The following NREP variants were observed in gnomAD, a reference collection of about 807,000 sequenced individuals.
NREP encodes the protein neuronal regeneration related protein.
A neutral mutation model predicts 8.6 loss-of-function variants in NREP; 5 were observed. The ratio of observed to expected loss-of-function variants is 0.58; its 90% CI spans 0.30 to 1.22. The LOEUF is 1.22. NREP is among the 50% of genes most tolerant of loss of function. The pLI is 0.07. For missense variants in NREP, 86 were observed against 82.5 expected (o/e 1.04, Z -0.17); for synonymous variants, 27 against 28.0 (o/e 0.96, Z 0.11).
In NREP at chr5:111,904,998, A is replaced by ATC. The variant is rs143311439; in HGVS notation, c.135+70274_135+70275dup. ...CAAAAGAATTACCTGTATTCCCCAT[A>ATC]TCTCTCTCTCTCTCTCCATTCTGAA... On this transcript the variant is annotated intron_variant, in intron 2 of 3. Transcript: ENST00000395634. Among the ~76,000 whole-genome samples the ATC allele has an allele frequency of 1.7e-3, 263 of 150,866 alleles. 1 individual carries two copies. Among genetic ancestry groups the ATC allele is most frequent in the African/African-American group, 5.9e-3 (241 of 41,172 alleles).
intron 2 of NREP, among the ~76,000 whole-genome samples, chr5:111,952,571 G>T (rs1756191136): frequency 6.6e-6 from 1 of 152,146 alleles, no homozygotes; most frequent in African/African-American, 2.4e-5. Flanking sequence ...CGTAGCTGGA[G>T]ATAGCAATAG....
chr5:111,848,197 A>T (rs1208940605), intron 2 of NREP, among the ~76,000 whole-genome samples: 1 of 152,164 alleles, frequency 6.6e-6, no homozygotes, highest in Non-Finnish European at 1.5e-5. Flanking sequence ...AACATTCTTG[A>T]TTCTTAGTTT....
At chr5:111,975,406 G>A (rs111804981) in intron 1 of NREP, 51 of 1,506,716 alleles carry the variant, frequency 3.4e-5, no homozygotes, top group African/African-American at 8.3e-5. Context: ...GGTAGAAAAC[G>A]TGAGCACTGA....
intron 2 of NREP, among the ~76,000 whole-genome samples, chr5:111,853,057 T>C (rs1753347810): frequency 6.6e-6 from 1 of 152,122 alleles, no homozygotes; most frequent in Non-Finnish European, 1.5e-5. Context: ...GTGATGGTGG[T>C]GGTGGTCATA....
At chr5:111,831,707 TGG>T (rs1752772054) in intron 2 of NREP, among the ~76,000 whole-genome samples, 1 of 152,174 alleles carries the variant, frequency 6.6e-6, no homozygotes, top group Admixed American at 6.5e-5. Flanking sequence ...GAAAGCAGTA[TGG>T]GTATTATCCA....
At chr5:111,800,662 G>C (rs941994680) in intron 2 of NREP, among the ~76,000 whole-genome samples, 3 of 152,154 alleles carry the variant, frequency 2.0e-5, no homozygotes, top group Non-Finnish European at 4.4e-5. Flanking sequence ...TGGGGAGGTA[G>C]ATTTAAAAAT....
chr5:111,757,626 C>A (rs1488230200), upstream of NREP: 4 of 983,108 alleles, frequency 4.1e-6, no homozygotes, highest in Admixed American at 6.2e-5. Context: ...CGCCCCGACA[C>A]CCCGCACCCG....
chr5:111,824,261 C>A (rs1198694319), intron 2 of NREP, among the ~76,000 whole-genome samples: 1 of 152,044 alleles, frequency 6.6e-6, no homozygotes, highest in Non-Finnish European at 1.5e-5. Flanking sequence ...CCCAGCTACT[C>A]GGGAGGCTGA....
chr5:111,940,265 CAAAATATAGTT>C, intron 2 of NREP: 1 of 152,022 alleles, frequency 6.6e-6, no homozygotes, highest in African/African-American at 2.4e-5. Context: ...ATACCAAAAA[CAAAATATAGTT>C]TAAGGATAGG....
chr5:111,896,629 T>A (rs2112541485), intron 2 of NREP, among the ~76,000 whole-genome samples: 1 of 152,328 alleles, frequency 6.6e-6, no homozygotes. Flanking sequence ...GGGATTAACT[T>A]ACATATTTCA....
intron 2 of NREP, among the ~76,000 whole-genome samples, chr5:111,799,005 T>C (rs1248146435): frequency 1.3e-5 from 2 of 152,228 alleles, no homozygotes. Context: ...CTCCACATTA[T>C]TTTCCATAGT....
At chr5:111,766,871 A>G (rs1208033585) in intron 2 of NREP, among the ~76,000 whole-genome samples, 1 of 152,226 alleles carries the variant, frequency 6.6e-6, no homozygotes, top group Non-Finnish European at 1.5e-5. Context: ...TCTTGGTCAT[A>G]AATCATATGG....
chr5:111,933,956 AGGT>A (rs1218394191), intron 2 of NREP, among the ~76,000 whole-genome samples: 7 of 152,256 alleles, frequency 4.6e-5, no homozygotes, highest in African/African-American at 1.7e-4. Flanking sequence ...GGTATAAAGA[AGGT>A]GACTTTATTC....
intron 2 of NREP, among the ~76,000 whole-genome samples, chr5:111,945,066 A>G (rs1581240075): frequency 6.6e-6 from 1 of 152,180 alleles, no homozygotes; most frequent in East Asian, 1.9e-4. Flanking sequence ...TTCTAAGGTA[A>G]CAATTCTTCC....
intron 2 of NREP, among the ~76,000 whole-genome samples, chr5:111,845,833 G>C (rs1438053363): frequency 6.6e-6 from 1 of 150,726 alleles, no homozygotes; most frequent in Admixed American, 6.6e-5. Context: ...TCAAGGAGCG[G>C]TTTTCTTTAG....
chr5:111,964,273 G>A (rs372343010), intron 2 of NREP, among the ~76,000 whole-genome samples: 3 of 152,302 alleles, frequency 2.0e-5, no homozygotes, highest in African/African-American at 7.2e-5. Context: ...CAAAGTTGAT[G>A]TATAGAGCTA....
intron 2 of NREP, among the ~76,000 whole-genome samples, chr5:111,917,583 A>G (rs1418829794): frequency 6.6e-6 from 1 of 152,182 alleles, no homozygotes; most frequent in Non-Finnish European, 1.5e-5. Context: ...GTAATCCATC[A>G]CATAAACAGA....
intron 2 of NREP, among the ~76,000 whole-genome samples, chr5:111,880,432 T>C (rs757961804): frequency 6.6e-6 from 1 of 152,134 alleles, no homozygotes; most frequent in Non-Finnish European, 1.5e-5. Flanking sequence ...GCAGGTTCAG[T>C]TTCTTTTGAG....
intron 2 of NREP, among the ~76,000 whole-genome samples, chr5:111,784,061 G>C (rs75418822): frequency 0.011 from 1,601 of 152,202 alleles, 21 homozygotes; most frequent in African/African-American, 0.034. Flanking sequence ...TGGGGTAGAG[G>C]GGGTGGACAG....
Sources: gnomAD v4.1 joint callset for allele counts (sites outside exome capture counted in the v4.1 genomes callset) on GRCh38, gnomAD v4.1.1 for gene constraint, MANE v1.5 for transcripts, NCBI Gene and HGNC (gene_info 2026-07-23, HGNC 2026-07-21) for gene names.